The following MYO16 variants were observed in gnomAD, a reference collection of about 807,000 sequenced individuals.
MYO16 encodes the protein myosin XVI.
Under a neutral mutation model 205.3 loss-of-function variants are expected in MYO16, and 94 were observed. The ratio of observed to expected loss-of-function variants is 0.46; its 90% CI spans 0.39 to 0.54. The LOEUF (loss-of-function observed/expected upper bound fraction) is 0.54. MYO16 is among the 20% of genes least tolerant of loss of function. The pLI is 0.00. For synonymous variants in MYO16, 988 were observed against 954.0 expected, an observed-to-expected ratio of 1.04 and a Z score of -0.66; for missense variants, 2,315 against 2,387.5, an observed-to-expected ratio of 0.97 and a Z score of 0.63.
intron 27 of MYO16, among the ~76,000 whole-genome samples, chr13:109,066,676 T>C (rs771376519): frequency 6.6e-6 from 1 of 152,274 alleles, no homozygotes; most frequent in African/African-American, 2.4e-5. Flanking sequence ...TTGTAGACTT[T>C]ATGGCCATGT....
chr13:108,638,055 T>A (rs1668448471), intron 1 of MYO16, among the ~76,000 whole-genome samples: 1 of 152,052 alleles, frequency 6.6e-6, no homozygotes, highest in African/African-American at 2.4e-5. Context: ...AACTACTGAG[T>A]GACCTGGAAG....
In MYO16 at chr13:108,866,082, A is replaced by G. The variant is rs550624227; in HGVS notation, c.1360-95A>G. 1.2e-4 allele frequency: 96 copies of G among 781,932 alleles called. No homozygotes were observed. The African/African-American group carries it at 1.6e-3, about 13-fold the overall frequency. The allele number at this position is 781,932 out of a possible 1,614,324, so 48.4% of individuals were successfully genotyped here. The stretch of plus-strand genomic sequence containing the variant: ...TAAAGTAGATTTTTTCTTATTATTT[A>G]TATTTCATACACTGGTTTTTAAATT... On this transcript the variant is annotated intron_variant, in intron 11 of 34. Coordinates refer to ENST00000457511, the MANE Select transcript of MYO16 (RefSeq NM_001198950.3).
chr13:108,793,472 GA>G, intron 5 of MYO16, 43 bp from the exon 6 acceptor site: 1 of 1,592,686 alleles, frequency 6.3e-7, no homozygotes, highest in Non-Finnish European at 8.6e-7. Context: ...CAGGAACTGA[GA>G]AGTATCTCTC....
chr13:108,640,933 TG>T (rs1880478090), intron 1 of MYO16, among the ~76,000 whole-genome samples: 1 of 152,208 alleles, frequency 6.6e-6, no homozygotes, highest in Admixed American at 6.5e-5. Context: ...TGAGCCTTCT[TG>T]GCAGTACTAT....
Position 108,995,080 on chromosome 13 carries a change from T to C in MYO16, c.2442+2632T>C, listed in dbSNP as rs531162315. Among the ~76,000 whole-genome samples the C allele has an allele frequency of 2.0e-5, 3 of 152,336 alleles. No individual in the cohort carries two copies. The East Asian group carries it at 5.8e-4, about 29-fold the overall frequency. ...TTTCTCTGACTTTATCTTAGTCAGT[T>C]CAGGCAGCTAGAACAAAATACCTTA... On this transcript the variant is annotated intron_variant, in intron 21 of 34. Coordinates refer to ENST00000457511, the MANE Select transcript of MYO16 (RefSeq NM_001198950.3).
At chr13:109,188,179 A>G (rs962010315) in intron 34 of MYO16, among the ~76,000 whole-genome samples, 43 of 152,222 alleles carry the variant, frequency 2.8e-4, no homozygotes, top group African/African-American at 9.1e-4. Context: ...CATTGTCTGC[A>G]AGGTATATTT....
intron 30 of MYO16, among the ~76,000 whole-genome samples, chr13:109,126,123 C>G (rs971828517): frequency 6.6e-5 from 10 of 152,178 alleles, no homozygotes; most frequent in African/African-American, 1.7e-4. Context: ...GAAAATGACT[C>G]TCCTTTCCCA....
chr13:108,918,962 A>C (rs953164705), intron 16 of MYO16, among the ~76,000 whole-genome samples: 39 of 115,574 alleles, frequency 3.4e-4, no homozygotes, highest in African/African-American at 1.3e-3. Flanking sequence ...AACAAAAAAA[A>C]AAAAAAAAAC....
At chr13:108,894,865 A>G (rs973609245) in intron 14 of MYO16, among the ~76,000 whole-genome samples, 4 of 152,244 alleles carry the variant, frequency 2.6e-5, no homozygotes, top group Non-Finnish European at 4.4e-5. Context: ...CTGCATTTGA[A>G]TTTCAAACAT....
At chr13:108,723,919 G>A (rs1026186535) in intron 3 of MYO16, among the ~76,000 whole-genome samples, 2 of 151,986 alleles carry the variant, frequency 1.3e-5, no homozygotes, top group Admixed American at 6.6e-5. Flanking sequence ...GGGAAGGACT[G>A]GTTTCTTAAC....
chr13:108,949,386 C>A (rs948336641), intron 16 of MYO16, among the ~76,000 whole-genome samples: 2 of 152,118 alleles, frequency 1.3e-5, no homozygotes, highest in Non-Finnish European at 2.9e-5. Context: ...ATATATTAAT[C>A]ATTATGTATT....
At chr13:108,502,888 G>A in the MYO16 span, among the ~76,000 whole-genome samples, 4 of 152,058 alleles carry the variant, frequency 2.6e-5, no homozygotes, top group Non-Finnish European at 5.9e-5. Context: ...TCATTTCAGA[G>A]ATTTAAATCT....
chr13:108,594,307 A>G (rs1382733027), upstream of MYO16, among the ~76,000 whole-genome samples: 3 of 152,186 alleles, frequency 2.0e-5, no homozygotes, highest in Non-Finnish European at 4.4e-5. Flanking sequence ...TCTTGCTGAG[A>G]TGCCCCACGA....
chr13:108,863,165 T>C (rs1878531183), intron 11 of MYO16, among the ~76,000 whole-genome samples: 1 of 152,286 alleles, frequency 6.6e-6, no homozygotes, highest in Middle Eastern at 3.4e-3. Context: ...ATGACTTTTA[T>C]TTCTTTTTTT....
intron 9 of MYO16, among the ~76,000 whole-genome samples, chr13:108,833,433 C>A (rs1411601701): frequency 6.6e-6 from 1 of 152,002 alleles, no homozygotes; most frequent in Non-Finnish European, 1.5e-5. Context: ...ATTGATGTAG[C>A]TATGTTTGTA....
At chr13:108,849,521 TC>T (rs1877713850) in intron 10 of MYO16, among the ~76,000 whole-genome samples, 2 of 119,598 alleles carry the variant, frequency 1.7e-5, no homozygotes, top group South Asian at 2.8e-4. Context: ...TTTAATTTCC[TC>T]CTTTGTGTGT....
chr13:108,634,754 T>A (rs1419815424), intron 1 of MYO16, among the ~76,000 whole-genome samples: 1 of 152,242 alleles, frequency 6.6e-6, no homozygotes, highest in Non-Finnish European at 1.5e-5. Context: ...TTGGGGGTTT[T>A]CTCCTAATTC....
chr13:109,088,023 T>G (rs1489246855), intron 27 of MYO16, among the ~76,000 whole-genome samples: 1 of 152,258 alleles, frequency 6.6e-6, no homozygotes, highest in South Asian at 2.1e-4. Flanking sequence ...AGATATCGAT[T>G]TGAATGTACA....
At chr13:108,934,236 C>G (rs1011508642) in intron 16 of MYO16, among the ~76,000 whole-genome samples, 10 of 152,174 alleles carry the variant, frequency 6.6e-5, no homozygotes, top group Admixed American at 5.9e-4. Context: ...GCCCTTTTCT[C>G]CTCATCCTCA....
Sources: allele counts gnomAD v4.1 joint callset (sites outside exome capture counted in the v4.1 genomes callset), GRCh38; gene constraint gnomAD v4.1.1; transcripts MANE v1.5; gene names NCBI Gene and HGNC (gene_info 2026-07-23, HGNC 2026-07-21).